Variants in SSR1 observed in about 807,000 individuals in gnomAD.
SSR1 encodes translocon-associated protein subunit alpha.
SSR1 carries 13 observed loss-of-function variants against 36.1 expected under a neutral mutation model. The ratio of observed to expected loss-of-function variants is 0.36; its 90% CI spans 0.23 to 0.57. SSR1 has a LOEUF of 0.57. SSR1 is among the 20% of genes least tolerant of loss of function. SSR1 has a pLI of 0.81. For missense variants in SSR1, 291 were observed against 338.5 expected (o/e 0.86, Z 1.10); for synonymous variants, 113 against 118.9 (o/e 0.95, Z 0.32).
chr6:7,301,547 C>T lies in SSR1; in HGVS notation c.306G>A (p.Lys102=). Reference sequence around the variant, plus strand: ...CCTTGTTGGTAAAGCCTACCAGGAACTTCACAATGTTATTTGCTGGAAAAT... The same window carrying T: ...CCTTGTTGGTAAAGCCTACCAGGAATTTCACAATGTTATTTGCTGGAAAAT... ...GEDFPANNIV[K]FLVGFTNKGT... The change falls in exon 4 of 8, where the codon AAG becomes AAA. Residue 102 remains lysine, a synonymous_variant. Transcript: ENST00000244763. 6.2e-7 allele frequency: 1 copy of T among 1,611,530 alleles called. No individual in the cohort carries two copies. The highest frequency in any genetic ancestry group is 8.5e-7 in the Non-Finnish European group (1 of 1,179,508).
intron 7 of SSR1, among the ~76,000 whole-genome samples, chr6:7,293,887 A>C (rs963261417): frequency 2.0e-5 from 3 of 152,216 alleles, no homozygotes; most frequent in Admixed American, 2.0e-4. Context: ...ATTCTTAAAG[A>C]AATGCAAATG....
Position 7,302,428 on chromosome 6 carries a change from T to C in SSR1, c.281-856A>G, listed in dbSNP as rs111411170. Among the ~76,000 whole-genome samples the C allele has an allele frequency of 5.3e-3, 801 of 152,318 alleles. 5 individuals are homozygous for C. Among genetic ancestry groups the C allele is most frequent in the Non-Finnish European group, 7.6e-3 (514 of 68,022 alleles). On this transcript the variant is annotated intron_variant, in intron 3 of 7. Coordinates refer to ENST00000244763, the MANE Select transcript of SSR1 (RefSeq NM_003144.5). ...TAATACATGCCAAGTATTGAGAATA[T>C]AGCCCTCAATAAATTATCAGCCATA...
intron 1 of SSR1, among the ~76,000 whole-genome samples, chr6:7,310,328 A>C (rs1758162833): frequency 6.6e-6 from 1 of 151,288 alleles, no homozygotes; most frequent in South Asian, 2.1e-4. Flanking sequence ...CCTGGGCCCA[A>C]GTGATCCTTC....
rs2274210 is a variant in SSR1 at position 7,313,173 on chromosome 6, C to G, written c.-53G>C. 0.11 allele frequency: 162,471 copies of G among 1,516,010 alleles called. 11,796 individuals carry two copies. The highest frequency in any genetic ancestry group is 0.36 in the East Asian group (14,051 of 39,350). The allele number at this position is 1,516,010 out of a possible 1,614,324, so 93.9% of individuals were successfully genotyped here. A position where few individuals can be genotyped will look rare whatever the true frequency, so the allele number is the denominator to read the frequency against. On this transcript the variant is annotated 5_prime_UTR_variant, in exon 1 of 8. Transcript: ENST00000244763. ...CGTCGGCTAAGGCTCTCGGCGGCTC[C>G]GGCGGTAATGGCGTTACTCTTCATC...
chr6:7,311,174 T>C (rs1343485111), intron 1 of SSR1, among the ~76,000 whole-genome samples: 2 of 152,228 alleles, frequency 1.3e-5, no homozygotes, highest in Non-Finnish European at 2.9e-5. Flanking sequence ...TGTTTTAAGA[T>C]ATTTTTTCTC....
chr6:7,308,523 TG>T (rs1197488611), intron 2 of SSR1, among the ~76,000 whole-genome samples: 1 of 152,188 alleles, frequency 6.6e-6, no homozygotes, highest in African/African-American at 2.4e-5. Flanking sequence ...CTGTGTAGGA[TG>T]GATTATAGTC....
At position 7,288,707 on chromosome 6, in the gene SSR1, C is replaced by T. The variant is rs1757611629; in HGVS notation, c.*1157G>A. On this transcript the variant is annotated 3_prime_UTR_variant, in exon 8 of 8. Transcript: ENST00000244763. ...CCTCCATCCAGTCTGACAATAATGCCAAACTTAATTTACAATCTAGGGCAA... is the reference window on the plus strand; with the variant it reads ...CCTCCATCCAGTCTGACAATAATGCTAAACTTAATTTACAATCTAGGGCAA... 1 of 152,510 alleles carries T rather than the reference C, an allele frequency of 6.6e-6. No homozygotes were observed. The highest frequency in any genetic ancestry group is 2.1e-4 in the South Asian group (1 of 4,826). 9.4% of individuals were successfully genotyped at this position (152,510 alleles called of 1,614,324 possible).
At chr6:7,306,898 C>G (rs1333598790) in intron 2 of SSR1, among the ~76,000 whole-genome samples, 6 of 130,170 alleles carry the variant, frequency 4.6e-5, no homozygotes, top group African/African-American at 1.9e-4. Context: ...GCCTGGGCGA[C>G]AGAGCGAGAC....
At chr6:7,306,675 G>A (rs534378647) in intron 2 of SSR1, among the ~76,000 whole-genome samples, 11 of 150,962 alleles carry the variant, frequency 7.3e-5, no homozygotes, top group Admixed American at 5.9e-4. Context: ...CCAGCACTTC[G>A]GGAGGCCGAG....
intron 4 of SSR1, among the ~76,000 whole-genome samples, chr6:7,299,276 C>A (rs1757872694): frequency 6.6e-6 from 1 of 152,230 alleles, no homozygotes; most frequent in East Asian, 1.9e-4. Flanking sequence ...TCACAGCATT[C>A]TTACGCCAAC....
At chr6:7,293,521 A>C (rs1380023751) in intron 7 of SSR1, among the ~76,000 whole-genome samples, 1 of 150,968 alleles carries the variant, frequency 6.6e-6, no homozygotes, top group Non-Finnish European at 1.5e-5. Flanking sequence ...GCAATCACGG[A>C]CCTACCAGGC....
chr6:7,309,185 T>C (rs1228135386), intron 2 of SSR1, among the ~76,000 whole-genome samples: 1 of 152,238 alleles, frequency 6.6e-6, no homozygotes, highest in African/African-American at 2.4e-5. Context: ...CCAGGTGTGG[T>C]GGCTCATGCC....
intron 7 of SSR1, among the ~76,000 whole-genome samples, chr6:7,292,073 G>GA (rs377601274): frequency 2.2e-4 from 33 of 150,162 alleles, no homozygotes; most frequent in African/African-American, 4.9e-4. Context: ...TGTCTCAAAA[G>GA]AAAAAAAAAC....
chr6:7,300,497 A>G (rs1757909824), intron 4 of SSR1, among the ~76,000 whole-genome samples: 1 of 152,230 alleles, frequency 6.6e-6, no homozygotes, highest in South Asian at 2.1e-4. Flanking sequence ...CTGAAACTAC[A>G]TTGAAAATAT....
chr6:7,292,888 A>G (rs535759213), intron 7 of SSR1, among the ~76,000 whole-genome samples: 11 of 152,188 alleles, frequency 7.2e-5, no homozygotes, highest in Admixed American at 2.6e-4. Flanking sequence ...CTATACTGCA[A>G]TATGACAGCT....
rs530355981 is a variant in SSR1 at position 7,289,803 on chromosome 6, A to G, written c.*61T>C. ...ACATGGCTTCTCTGCACTAATTCCCATCAGGCCGAAAAATATTAGGGCAGG... is the reference window on the plus strand; with the variant it reads ...ACATGGCTTCTCTGCACTAATTCCCGTCAGGCCGAAAAATATTAGGGCAGG... On this transcript the variant is annotated 3_prime_UTR_variant, in exon 8 of 8. Transcript: ENST00000244763. The G allele has an allele frequency of 3.6e-5, 54 of 1,494,800 alleles. 1 individual carries two copies. In the South Asian group the frequency reaches 7.1e-4, roughly 20 times the overall value. 92.6% of individuals were successfully genotyped at this position (1,494,800 alleles called of 1,614,324 possible).
chr6:7,312,615 C>T (rs988754806), intron 1 of SSR1, among the ~76,000 whole-genome samples: 28 of 152,230 alleles, frequency 1.8e-4, no homozygotes, highest in Non-Finnish European at 4.4e-5. Flanking sequence ...CACGTCAGCC[C>T]TGAGCGCGAG....
rs550557043 is a variant in SSR1, at chr6:7,283,698, G to C, written c.*6166C>G. The stretch of plus-strand genomic sequence containing the variant: ...GCCCTGCCCAGTCTTTATAAATGAA[G>C]CTTGACTCTGGACTGTGATAGCAGA... On this transcript the variant is annotated 3_prime_UTR_variant, in exon 8 of 8. Coordinates refer to ENST00000244763, the MANE Select transcript of SSR1 (RefSeq NM_003144.5). 64 of 152,358 alleles carry C rather than the reference G, an allele frequency of 4.2e-4. No individual in the cohort carries two copies. Among genetic ancestry groups the C allele is most frequent in the Middle Eastern group, 3.4e-3 (1 of 294 alleles). The allele number at this position is 152,358 out of a possible 1,614,324, so 9.4% of individuals were successfully genotyped here.
At chr6:7,302,635 G>T (rs1309360694) in intron 3 of SSR1, among the ~76,000 whole-genome samples, 1 of 151,874 alleles carries the variant, frequency 6.6e-6, no homozygotes, top group Non-Finnish European at 1.5e-5. Flanking sequence ...GATGGAGCGT[G>T]CCTGTAGTCT....
Sources: allele counts gnomAD v4.1 joint callset (sites outside exome capture counted in the v4.1 genomes callset), GRCh38; gene constraint gnomAD v4.1.1; transcripts MANE v1.5; gene names NCBI Gene and HGNC (gene_info 2026-07-23, HGNC 2026-07-21).